Variants in CSE1L observed in about 807,000 individuals in gnomAD.
CSE1L encodes the protein chromosome segregation 1 like, also known as exportin-2.
In CSE1L, 24 loss-of-function variants were observed where a neutral mutation model predicts 120.4. That is an observed-to-expected ratio of 0.20 (90% CI 0.14 to 0.28). The LOEUF is 0.28. CSE1L is among the 10% of genes least tolerant of loss of function. The pLI is 1.00. For missense variants in CSE1L, 830 were observed against 1,145.2 expected, an observed-to-expected ratio of 0.72 and a Z score of 3.97; for synonymous variants, 402 against 398.3, an observed-to-expected ratio of 1.01 and a Z score of -0.11.
At chr20:49,094,074 C>A in intron 22 of CSE1L, 66 bp from the exon 23 acceptor site, 1 of 995,516 alleles carries the variant, frequency 1.0e-6, no homozygotes, top group Non-Finnish European at 1.5e-6. Flanking sequence ...TAACTAACAT[C>A]TAAGCATTTT....
At chr20:49,091,058 T>C in intron 21 of CSE1L, 36 bp downstream of exon 21, 1 of 1,318,668 alleles carries the variant, frequency 7.6e-7, no homozygotes. Context: ...ACAGAAGTAA[T>C]GAAAGAAGGT....
intron 22 of CSE1L, 45 bp downstream of exon 22, chr20:49,092,172 CT>C (rs200977425): frequency 1.3e-3 from 1,383 of 1,089,564 alleles, no homozygotes; most frequent in Admixed American, 2.0e-3. Flanking sequence ...AATGTTTTGA[CT>C]TTTTTTTTAG....
At chr20:49,073,355 C>T (rs2091946316) in intron 10 of CSE1L, among the ~76,000 whole-genome samples, 2 of 152,130 alleles carry the variant, frequency 1.3e-5, no homozygotes, top group Admixed American at 1.3e-4. Flanking sequence ...GAAATGATAA[C>T]TTTATAAATA....
chr20:49,064,623 G>T (rs1272834659), intron 3 of CSE1L, among the ~76,000 whole-genome samples: 1 of 152,062 alleles, frequency 6.6e-6, no homozygotes, highest in Non-Finnish European at 1.5e-5. Context: ...TGAGATGAGG[G>T]GATCACTTGT....
At chr20:49,057,167 T>A (rs572838743) in intron 1 of CSE1L, among the ~76,000 whole-genome samples, 17 of 150,870 alleles carry the variant, frequency 1.1e-4, no homozygotes, top group Admixed American at 3.3e-4. Context: ...CTCTACAAAA[T>A]TTTTTTTTTA....
At position 49,078,606 on chromosome 20, in the gene CSE1L, T is replaced by C. The variant is rs760187591; in HGVS notation, c.1466T>C (p.Met489Thr). 1.8e-5 allele frequency: 29 copies of C among 1,568,384 alleles called. No homozygotes were observed. The highest frequency in any genetic ancestry group is 6.9e-5 in the East Asian group (3 of 43,720). The stretch of plus-strand genomic sequence containing the variant: ...AAAGCTGACGGTATCAAATATATTA[T>C]GATTTTTAGAAATCAAGTAAGTAGC... ...VLKADGIKYI[M>T]IFRNQVPKEH... Residue 489 changes from methionine to threonine, a missense_variant, in exon 14 of 25, where the codon ATG (methionine) becomes ACG (threonine). This residue lies in a region of CSE1L where 543 missense variants were observed against 640.2 expected (regional missense o/e 0.85). Coordinates refer to ENST00000262982, the MANE Select transcript of CSE1L (RefSeq NM_001316.4).
At chr20:49,047,434 A>G (rs987761633) in intron 1 of CSE1L, among the ~76,000 whole-genome samples, 1 of 151,722 alleles carries the variant, frequency 6.6e-6, no homozygotes, top group Admixed American at 6.6e-5. Flanking sequence ...TTATTTGCAC[A>G]TGCCTTTTGT....
rs11439721 is a variant in CSE1L at position 49,077,153 on chromosome 20, C to CTTTTTTTTTT, written c.1420+99_1420+108dup. 1,106 of 402,348 alleles carry CTTTTTTTTTT rather than the reference C, an allele frequency of 2.7e-3. 6 individuals carry two copies. Among genetic ancestry groups the CTTTTTTTTTT allele is most frequent in the African/African-American group, 5.9e-3 (227 of 38,510 alleles). The allele number at this position is 402,348 out of a possible 1,614,324, so 24.9% of individuals were successfully genotyped here. On this transcript the variant is annotated intron_variant, in intron 13 of 24. Coordinates refer to ENST00000262982, the MANE Select transcript of CSE1L (RefSeq NM_001316.4). The stretch of plus-strand genomic sequence containing the variant: ...CTTCCTATCCTTGTTCCCTTTTGTT[C>CTTTTTTTTTT]TTTTTTTTTTTTTTTTTTTCTTTTG...
chr20:49,056,554 TCA>T (rs1568762844), intron 1 of CSE1L, among the ~76,000 whole-genome samples: 2 of 152,212 alleles, frequency 1.3e-5, no homozygotes. Context: ...AAAAGTTCCC[TCA>T]GTTTGCACCT....
chr20:49,085,225 A>G (rs1356943599), intron 15 of CSE1L, 58 bp from the exon 16 acceptor site: 7 of 1,294,286 alleles, frequency 5.4e-6, no homozygotes, highest in Non-Finnish European at 5.6e-6. Context: ...GCCAAGGGTA[A>G]TCTGCAGTGA....
chr20:49,084,012 A>C lies in CSE1L; in HGVS notation c.1483-14A>C, dbSNP rs745704550. On this transcript the variant is annotated splice_polypyrimidine_tract_variant and intron_variant, in intron 14 of 24. Coordinates refer to ENST00000262982, the MANE Select transcript of CSE1L (RefSeq NM_001316.4). ...TCATTGCATTTAGAGCATGTATATTATTGTGTTTTTTAGGTGCCAAAAGAA... is the reference window on the plus strand; with the variant it reads ...TCATTGCATTTAGAGCATGTATATTCTTGTGTTTTTTAGGTGCCAAAAGAA... The C allele has an allele frequency of 3.1e-6, 5 of 1,610,118 alleles. No individual in the cohort carries two copies. The highest frequency in any genetic ancestry group is 4.2e-6 in the Non-Finnish European group (5 of 1,176,714).
chr20:49,090,757 G>A lies in CSE1L; in HGVS notation c.2197G>A (p.Val733Ile). The A allele has an allele frequency of 6.2e-7, 1 of 1,613,890 alleles. No homozygotes were observed. The highest frequency in any genetic ancestry group is 8.5e-7 in the Non-Finnish European group (1 of 1,179,898). ...AADKIPGLLG[V>I]FQKLIASKAN... ...TTCTTAACAGCCTGGGTTACTAGGT[G>A]TCTTTCAGAAGCTGATTGCATCCAA... Residue 733 changes from valine to isoleucine, a missense_variant, in exon 20 of 25, where the codon GTC becomes ATC. By Grantham distance (29) the Val-to-Ile change is conservative (BLOSUM62 3). Around this residue, in one of 4 missense-constraint regions of CSE1L, gnomAD observed 168 missense variants for 267.9 expected, o/e 0.63. Coordinates refer to ENST00000262982, the MANE Select transcript of CSE1L (RefSeq NM_001316.4).
intron 14 of CSE1L, among the ~76,000 whole-genome samples, chr20:49,082,650 C>G (rs1413627572): frequency 4.6e-5 from 7 of 152,246 alleles, no homozygotes; most frequent in Non-Finnish European, 1.0e-4. Flanking sequence ...CTCGCGATAG[C>G]TGGGACTACA....
chr20:49,063,062 TAAGAA>T (rs2091863937), intron 2 of CSE1L, 135 bp from the exon 3 acceptor site: 2 of 329,574 alleles, frequency 6.1e-6, no homozygotes, highest in South Asian at 1.1e-4. Flanking sequence ...ACTTAATAGA[TAAGAA>T]AAGTGAGGCC....
chr20:49,075,283 T>A, intron 11 of CSE1L, 35 bp from the exon 12 acceptor site: 2 of 1,533,220 alleles, frequency 1.3e-6, no homozygotes, highest in Non-Finnish European at 1.8e-6. Context: ...TGGTTGTTTT[T>A]TTTCCCCATA....
rs764766550 is a variant in CSE1L, at chr20:49,075,502, A to G, written c.1317A>G (p.Ser439=). 15 of 1,614,100 alleles carry G rather than the reference A, an allele frequency of 9.3e-6. No individual in the cohort carries two copies. The highest frequency in any genetic ancestry group is 1.3e-5 in the Non-Finnish European group (15 of 1,179,958). The change falls in exon 12 of 25, where the codon TCA becomes TCG. Residue 439 remains serine (S), a synonymous_variant. Coordinates refer to ENST00000262982, the MANE Select transcript of CSE1L (RefSeq NM_001316.4). ...AAIYLVTSLA[S]KAQTQKHGIT... Reference sequence around the variant, plus strand: ...TCTACCTAGTGACATCTTTGGCATCAAAAGCCCAAACACAGAAGGTAAATA... The same window carrying G: ...TCTACCTAGTGACATCTTTGGCATCGAAAGCCCAAACACAGAAGGTAAATA...
chr20:49,090,135 T>A (rs189773770), intron 19 of CSE1L, among the ~76,000 whole-genome samples: 345 of 151,764 alleles, frequency 2.3e-3, no homozygotes, highest in South Asian at 4.4e-3. Context: ...TTAAAAAAAA[T>A]AATAATAATA....
chr20:49,067,458 A>C (rs981389262), intron 6 of CSE1L, among the ~76,000 whole-genome samples, 178 bp downstream of exon 6: 4 of 152,210 alleles, frequency 2.6e-5, no homozygotes, highest in African/African-American at 7.2e-5. Context: ...CCCATCTATT[A>C]TTACACAAAT....
At chr20:49,090,905 A>G (rs1247232010) in intron 20 of CSE1L, 32 bp from the exon 21 acceptor site, 8 of 1,596,790 alleles carry the variant, frequency 5.0e-6, no homozygotes, top group Non-Finnish European at 3.4e-6. Context: ...AAAGTCCTAA[A>G]TTTATATTGT....
Sources: gnomAD v4.1 joint callset for allele counts (sites outside exome capture counted in the v4.1 genomes callset) on GRCh38, gnomAD v4.1.1 for gene constraint, gnomAD v4.1.1 regional missense constraint, MANE v1.5 for transcripts, NCBI Gene and HGNC (gene_info 2026-07-23, HGNC 2026-07-21) for gene names.